PCDHGB4: variants seen among roughly 807,000 people sequenced by gnomAD.
PCDHGB4 encodes protocadherin gamma subfamily B, 4.
In PCDHGB4, 38 loss-of-function variants were observed where a neutral mutation model predicts 60.5. The ratio of observed to expected loss-of-function variants is 0.63; its 90% confidence interval spans 0.48 to 0.82. PCDHGB4 has a LOEUF of 0.82. Ranked by LOEUF, PCDHGB4 falls within the 40% of genes least tolerant of loss-of-function variation. The pLI, the probability that PCDHGB4 is intolerant of heterozygous loss-of-function variation, is 0.00. For missense variants in PCDHGB4, 1,109 were observed against 1,209.6 expected (o/e 0.92, Z 1.23); for synonymous variants, 456 against 509.7 (o/e 0.89, Z 1.42).
At chr5:141,422,217 C>T (rs1207888890) in intron 1 of PCDHGB4, 2 of 1,563,582 alleles carry the variant, frequency 1.3e-6, no homozygotes, top group Admixed American at 2.0e-5. Context: ...GTCTCTTTAC[C>T]ACCACGACGA....
intron 1 of PCDHGB4, among the ~76,000 whole-genome samples, chr5:141,438,637 C>G (rs11958903): frequency 3.2e-5 from 1 of 30,940 alleles, no homozygotes. Context: ...TATATATATA[C>G]ACACACACAC....
At chr5:141,414,099 A>C in intron 1 of PCDHGB4, 3 of 1,593,504 alleles carry the variant, frequency 1.9e-6, no homozygotes, top group Non-Finnish European at 8.5e-7. Flanking sequence ...TAAAAATATC[A>C]GAAAATCTAG....
At chr5:141,435,026 C>T (rs977017371) in intron 1 of PCDHGB4, among the ~76,000 whole-genome samples, 1 of 151,978 alleles carries the variant, frequency 6.6e-6, no homozygotes, top group Non-Finnish European at 1.5e-5. Flanking sequence ...GCTCTTTTCC[C>T]ACTTTTATTT....
intron 1 of PCDHGB4, chr5:141,393,347 C>A: frequency 6.2e-7 from 1 of 1,613,980 alleles, no homozygotes; most frequent in Non-Finnish European, 8.5e-7. Context: ...ATCACCACTT[C>A]TCCCTGGACG....
In PCDHGB4 at chr5:141,389,793, C is replaced by T. The variant is rs773579820; in HGVS notation, c.1909C>T (p.Arg637Cys). The change falls in exon 1 of 4, where the codon CGC (arginine) becomes TGC (cysteine). Residue 637 changes from arginine to cysteine, a missense_variant. Arg to Cys is a radical substitution (Grantham distance 180). Around this residue, in one of 2 missense-constraint regions of PCDHGB4, gnomAD observed 1,068 missense variants for 1,089.9 expected, o/e 0.98. Coordinates refer to ENST00000519479, the MANE Select transcript of PCDHGB4 (RefSeq NM_003736.4). Reference sequence around the variant, plus strand: ...TGCCTTAGGCGACAGGGACGCCGTCCGCCAGCGCCTTCTGGTCGCCGTGCG... The same window carrying T: ...TGCCTTAGGCGACAGGGACGCCGTCTGCCAGCGCCTTCTGGTCGCCGTGCG... ...ARALGDRDAVRQRLLVAVRDG... is the reference protein window; with the variant it reads ...ARALGDRDAVCQRLLVAVRDG... 8.7e-6 allele frequency: 14 copies of T among 1,613,452 alleles called. No homozygotes were observed. The Admixed American group carries it at 1.8e-4, about 21-fold the overall frequency.
chr5:141,428,744 T>C (rs939886054), intron 1 of PCDHGB4: 10 of 155,306 alleles, frequency 6.4e-5, no homozygotes, highest in African/African-American at 2.4e-4. Context: ...ATATCTACTA[T>C]TGCTTCAGGT....
rs1038145479 is a variant in PCDHGB4 at position 141,408,047 on chromosome 5, A to G, written c.2397+17766A>G. The G allele has an allele frequency of 5.6e-6, 7 of 1,243,316 alleles. No individual in the cohort carries two copies. In the African/African-American group the frequency reaches 1.1e-4, roughly 19 times the overall value. The allele number at this position is 1,243,316 out of a possible 1,614,324, so 77.0% of individuals were successfully genotyped here. On this transcript the variant is annotated intron_variant, in intron 1 of 3. Coordinates refer to ENST00000519479, the MANE Select transcript of PCDHGB4 (RefSeq NM_003736.4). ...GAAAGAAGAAAACCAGCTCCCACAC[A>G]GAGCCTCCCGGCTGCGCAGACCTTT...
At position 141,422,526 on chromosome 5, in the gene PCDHGB4, G is replaced by A. The variant is rs956066609; in HGVS notation, c.2397+32245G>A. 9 of 1,613,866 alleles carry A rather than the reference G, an allele frequency of 5.6e-6. No homozygotes were observed. In the African/African-American group the frequency reaches 1.1e-4, roughly 19 times the overall value. The stretch of plus-strand genomic sequence containing the variant: ...CCACAGACCAGGGAAGCCCGCCTTT[G>A]TCTGCAGAAACTCATGTCTGGCTGA... On this transcript the variant is annotated intron_variant, in intron 1 of 3. Coordinates refer to ENST00000519479, the MANE Select transcript of PCDHGB4 (RefSeq NM_003736.4).
intron 1 of PCDHGB4, chr5:141,408,675 CG>C (rs757230674): frequency 2.3e-5 from 37 of 1,613,832 alleles, no homozygotes; most frequent in Non-Finnish European, 3.1e-5. Flanking sequence ...GACCCTGCCA[CG>C]GATCCTGATA....
Position 141,388,877 on chromosome 5 carries a change from G to A in PCDHGB4, c.993G>A (p.Val331=). The change falls in exon 1 of 4, where the codon GTG becomes GTA. Residue 331 remains valine (V), a synonymous_variant. Transcript: ENST00000519479. ...DGGGMIAQCT[V]EVEVIDENDN... Reference sequence around the variant, plus strand: ...GAGGAATGATTGCGCAATGCACAGTGGAGGTAGAAGTCATAGATGAAAATG... The same window carrying A: ...GAGGAATGATTGCGCAATGCACAGTAGAGGTAGAAGTCATAGATGAAAATG... 6.2e-7 allele frequency: 1 copy of A among 1,613,936 alleles called. No homozygotes were observed. The highest frequency in any genetic ancestry group is 8.5e-7 in the Non-Finnish European group (1 of 1,179,844).
chr5:141,477,794 C>G lies in PCDHGB4; in HGVS notation c.2398-17013C>G, dbSNP rs148942362. The G allele has an allele frequency of 6.2e-7, 1 of 1,614,086 alleles. No individual in the cohort carries two copies. The highest frequency in any genetic ancestry group is 1.1e-5 in the South Asian group (1 of 91,082). On this transcript the variant is annotated intron_variant, in intron 1 of 3. Transcript: ENST00000519479. This position sits in a 1 kb window ranked among gnomAD's most constrained non-coding sequence, Gnocchi z 4.9. ...CAGCGTGAACATATTTGTCACTGAT[C>G]GCAATGACAATGCCCCCCAGGTCCT...
At chr5:141,415,285 G>A (rs1561755891) in intron 1 of PCDHGB4, 3 of 1,614,216 alleles carry the variant, frequency 1.9e-6, no homozygotes, top group Non-Finnish European at 2.5e-6. Context: ...GGTGGCCGCG[G>A]TCTCCTGCGT....
Position 141,476,698 on chromosome 5 carries a change from G to C in PCDHGB4, c.2398-18109G>C, listed in dbSNP as rs2075661. Reference sequence around the variant, plus strand: ...CGCGGGAGGACAGCACCAAGTACGCGGAGCTGGTGTTGGAGCGCGCCCTGG... The same window carrying C: ...CGCGGGAGGACAGCACCAAGTACGCCGAGCTGGTGTTGGAGCGCGCCCTGG... On this transcript the variant is annotated intron_variant, in intron 1 of 3. Transcript: ENST00000519479. The surrounding 1 kb of genome is among the most constrained non-coding windows in gnomAD (Gnocchi z 7.6). The C allele has an allele frequency of 0.2, 326,683 of 1,614,030 alleles. 35,085 individuals carry two copies. Among genetic ancestry groups the C allele is most frequent in the Admixed American group, 0.37 (22,021 of 59,992 alleles).
At chr5:141,422,032 G>A in intron 1 of PCDHGB4, 1 of 1,611,280 alleles carries the variant, frequency 6.2e-7, no homozygotes, top group Non-Finnish European at 8.5e-7. Context: ...TAATGCAACG[G>A]ATCCAGACGA....
chr5:141,443,226 A>T (rs2098374954), intron 1 of PCDHGB4, among the ~76,000 whole-genome samples: 1 of 152,042 alleles, frequency 6.6e-6, no homozygotes, highest in Non-Finnish European at 1.5e-5. Flanking sequence ...CGCATCTATA[A>T]TCTTAGCACT....
At chr5:141,422,959 C>G in intron 1 of PCDHGB4, 1 of 1,614,234 alleles carries the variant, frequency 6.2e-7, no homozygotes, top group Non-Finnish European at 8.5e-7. Flanking sequence ...TGGCGTGGAG[C>G]TGGCGCCCCG....
Position 141,404,312 on chromosome 5 carries a change from C to T in PCDHGB4, c.2397+14031C>T. On this transcript the variant is annotated intron_variant, in intron 1 of 3. Transcript: ENST00000519479. ...CAATGATAATCCACCTGCTTTCTCT[C>T]AAGCCTCCTACTCAGTCTACCTCCC... is the stretch of plus-strand genomic sequence containing the variant. 1.9e-6 allele frequency: 3 copies of T among 1,613,956 alleles called. No individual in the cohort carries two copies. The Middle Eastern group carries it at 4.9e-4, about 266-fold the overall frequency.
At chr5:141,397,225 T>C (rs2093492124) in intron 1 of PCDHGB4, among the ~76,000 whole-genome samples, 1 of 151,338 alleles carries the variant, frequency 6.6e-6, no homozygotes, top group Non-Finnish European at 1.5e-5. Context: ...TTTTGAGATA[T>C]GAAGAAGAGC....
chr5:141,397,738 C>T (rs1211172946), intron 1 of PCDHGB4, among the ~76,000 whole-genome samples: 1 of 152,162 alleles, frequency 6.6e-6, no homozygotes, highest in East Asian at 1.9e-4. Flanking sequence ...AGAAAGATAC[C>T]TTAAAGAAGT....
Sources: gnomAD v4.1 joint callset for allele counts (sites outside exome capture counted in the v4.1 genomes callset) on GRCh38, gnomAD v4.1.1 for gene constraint, gnomAD v4.1.1 regional missense constraint, Gnocchi (gnomAD v3.1) non-coding constraint, MANE v1.5 for transcripts, NCBI Gene and HGNC (gene_info 2026-07-23, HGNC 2026-07-21) for gene names.